The following MCM3 variants were observed in gnomAD, a reference collection of about 807,000 sequenced individuals.
MCM3 encodes minichromosome maintenance complex component 3, also known as DNA replication licensing factor MCM3.
In MCM3, 59 loss-of-function variants were observed where a neutral mutation model predicts 91.3. The observed-to-expected ratio is 0.65, with a 90% confidence interval of 0.52 to 0.80. The LOEUF (loss-of-function observed/expected upper bound fraction) is 0.80. MCM3 is among the 30% of genes least tolerant of loss of function. The pLI, the probability that MCM3 is intolerant of heterozygous loss-of-function variation, is 0.00. For synonymous variants in MCM3, 383 were observed against 379.6 expected (o/e 1.01, Z -0.10); for missense variants, 919 against 1,035.4 (o/e 0.89, Z 1.54).
rs918541897 is a variant in MCM3, at chr6:52,282,798, G to A, written c.255C>T (p.Ala85=). ...AFQRALKDFV[A]SIDATYAKQY... is the part of the protein sequence containing the mutation. ...GCTTGGCATAGGTAGCATCAATGGA[G>A]GCCACAAAATCCTTTAAGGCCCGCT... The change falls in exon 3 of 17, where the codon GCC becomes GCT. Residue 85 remains alanine (A), a synonymous_variant. Transcript: ENST00000596288. The A allele has an allele frequency of 9.3e-6, 15 of 1,613,982 alleles. No individual in the cohort carries two copies. Among genetic ancestry groups the A allele is most frequent in the African/African-American group, 1.3e-5 (1 of 74,888 alleles).
At chr6:52,283,187 G>T in intron 2 of MCM3, 107 bp downstream of exon 2, 1 of 889,864 alleles carries the variant, frequency 1.1e-6, no homozygotes, top group Non-Finnish European at 1.8e-6. Flanking sequence ...AGGGCTTGTA[G>T]ATCAATCCTG....
At chr6:52,268,132 T>A (rs1020294136) in intron 13 of MCM3, among the ~76,000 whole-genome samples, 164 bp from the exon 14 acceptor site, 10 of 152,186 alleles carry the variant, frequency 6.6e-5, no homozygotes, top group African/African-American at 2.4e-4. Context: ...GGGGCAGAAG[T>A]AGAGACTGCT....
chr6:52,266,233 A>G, intron 15 of MCM3, 89 bp from the exon 16 acceptor site: 1 of 966,566 alleles, frequency 1.0e-6, no homozygotes, highest in Middle Eastern at 2.1e-4. Context: ...TCCACTCCCA[A>G]TCTCTCACTC....
intron 8 of MCM3, 110 bp from the exon 9 acceptor site, chr6:52,276,586 G>T: frequency 5.4e-6 from 5 of 920,722 alleles, no homozygotes; most frequent in Non-Finnish European, 6.5e-6. Context: ...GTGAGAATGC[G>T]GCAATGGTGT....
chr6:52,266,728 A>G (rs1368613089), intron 14 of MCM3, 32 bp from the exon 15 acceptor site: 2 of 1,566,088 alleles, frequency 1.3e-6, no homozygotes, highest in African/African-American at 1.4e-5. Flanking sequence ...AGAGAGAGAA[A>G]GAGTTTGGAG....
At chr6:52,271,741 T>C (rs1765150241) in intron 12 of MCM3, among the ~76,000 whole-genome samples, 1 of 152,264 alleles carries the variant, frequency 6.6e-6, no homozygotes, top group East Asian at 1.9e-4. Context: ...ACCATCATGG[T>C]TGCCTGTTAG....
chr6:52,265,755 CA>C (rs1764594958), intron 16 of MCM3, among the ~76,000 whole-genome samples: 1 of 151,788 alleles, frequency 6.6e-6, no homozygotes, highest in Non-Finnish European at 1.5e-5. Flanking sequence ...TCTATCCCAC[CA>C]AGAAGAATCT....
In MCM3 at chr6:52,282,674, C is replaced by T. The variant is rs573520418; in HGVS notation, c.379G>A (p.Val127Met). ...TTACATTTAGTGACAATGCCCTCCA[C>T]ACAGACCACACAGCTGAGGAAGCAG... ...TSCFLSCVVC[V>M]EGIVTKCSLV... Residue 127 changes from valine (V) to methionine (M), a missense_variant, in exon 3 of 17, where the codon GTG (valine) becomes ATG (methionine). Physicochemically the swap from Val to Met is conservative, Grantham distance 21. Coordinates refer to ENST00000596288, the MANE Select transcript of MCM3 (RefSeq NM_002388.6). 6.2e-7 allele frequency: 1 copy of T among 1,613,464 alleles called. No homozygotes were observed. The highest frequency in any genetic ancestry group is 8.5e-7 in the Non-Finnish European group (1 of 1,180,022).
At chr6:52,267,100 T>TTTTTTTTTC (rs1764701233) in intron 14 of MCM3, among the ~76,000 whole-genome samples, 1 of 140,774 alleles carries the variant, frequency 7.1e-6, no homozygotes, top group South Asian at 2.4e-4. Flanking sequence ...TATCTTCTTT[T>TTTTTTTTTC]TTTTTTTTTT....
chr6:52,264,866 ATAG>A (rs1764519848), intron 16 of MCM3, 80 bp from the exon 17 acceptor site: 4 of 1,216,900 alleles, frequency 3.3e-6, no homozygotes, highest in Non-Finnish European at 3.6e-6. Context: ...AGGAAAATCC[ATAG>A]TATTAATACA....
chr6:52,284,670 G>A lies in MCM3; in HGVS notation c.5C>T (p.Ala2Val), dbSNP rs754556530. 1 of 1,606,690 alleles carries A rather than the reference G, an allele frequency of 6.2e-7. No individual in the cohort carries two copies. The highest frequency in any genetic ancestry group is 8.5e-7 in the Non-Finnish European group (1 of 1,177,214). The change falls in exon 1 of 17, where the codon GCG becomes GTG. Residue 2 changes from alanine (A) to valine (V), a missense_variant. This residue lies in a region of MCM3 where 401 missense variants were observed against 402.7 expected (regional missense o/e 1.00). Transcript: ENST00000596288. ...CACATCGTCCAGCACCACGGTACCC[G>A]CCATGCCCGCTGCCAAAGAACTACC... is the stretch of plus-strand genomic sequence containing the variant. M[A>V]GTVVLDDVEL...
chr6:52,279,301 A>G, intron 5 of MCM3, 60 bp downstream of exon 5: 1 of 1,401,770 alleles, frequency 7.1e-7, no homozygotes, highest in Non-Finnish European at 1.0e-6. Context: ...TGGAGAAAGG[A>G]TATTACCAGA....
intron 4 of MCM3, 145 bp from the exon 5 acceptor site, chr6:52,279,744 G>A (rs1454730903): frequency 1.6e-6 from 1 of 645,120 alleles, no homozygotes; most frequent in Non-Finnish European, 2.7e-6. Context: ...AGCTTTTTGT[G>A]TTCCTGTCTG....
At position 52,277,665 on chromosome 6, in the gene MCM3, C is replaced by T. The variant is rs1765703866; in HGVS notation, c.903G>A (p.Lys301=). The change falls in exon 7 of 17, where the codon AAG becomes AAA. Residue 301 remains lysine, a synonymous_variant. Coordinates refer to ENST00000596288, the MANE Select transcript of MCM3 (RefSeq NM_002388.6). Reference sequence around the variant, plus strand: ...GCCCATGGATACTTGGGGCCAATGACTTGGCCAGCTGGTCAAAGATATCCT... The same window carrying T: ...GCCCATGGATACTTGGGGCCAATGATTTGGCCAGCTGGTCAAAGATATCCT... ...RSKDIFDQLA[K]SLAPSIHGHD... is the part of the protein sequence containing the mutation. 4 of 1,613,978 alleles carry T rather than the reference C, an allele frequency of 2.5e-6. No homozygotes were observed. The highest frequency in any genetic ancestry group is 1.3e-5 in the African/African-American group (1 of 75,014).
intron 10 of MCM3, 33 bp from the exon 11 acceptor site, chr6:52,273,389 A>G (rs572854877): frequency 6.2e-7 from 1 of 1,612,332 alleles, no homozygotes; most frequent in Non-Finnish European, 8.5e-7. Context: ...AAGGAGAGTA[A>G]TAAAGAGTTT....
In MCM3 at chr6:52,266,154, G is replaced by T; in HGVS notation, c.2159-10C>A. ...GTCTTTGGAGTGTGTACTTCAGAGG[G>T]TTGATGGTTGTAGAGATGGGGAAGA... is the stretch of plus-strand genomic sequence containing the variant. On this transcript the variant is annotated splice_polypyrimidine_tract_variant and intron_variant, in intron 15 of 16. Transcript: ENST00000596288. 1 of 1,610,186 alleles carries T rather than the reference G, an allele frequency of 6.2e-7. No individual in the cohort carries two copies. Among genetic ancestry groups the T allele is most frequent in the Non-Finnish European group, 8.5e-7 (1 of 1,176,436 alleles).
chr6:52,273,679 T>G, intron 10 of MCM3, 63 bp downstream of exon 10: 100 of 1,519,760 alleles, frequency 6.6e-5, no homozygotes, highest in Non-Finnish European at 8.2e-5. Context: ...GGGTTGGGCC[T>G]GAGAAACTAC....
chr6:52,268,192 T>C (rs1764800272), intron 13 of MCM3, among the ~76,000 whole-genome samples: 1 of 152,230 alleles, frequency 6.6e-6, no homozygotes, highest in Non-Finnish European at 1.5e-5. Context: ...GTTTATATAG[T>C]AGGTACTCAA....
chr6:52,272,414 T>C lies in MCM3; in HGVS notation c.1714A>G (p.Ile572Val). 1 of 1,614,158 alleles carries C rather than the reference T, an allele frequency of 6.2e-7. No homozygotes were observed. Among genetic ancestry groups the C allele is most frequent in the South Asian group, 1.1e-5 (1 of 91,082 alleles). The part of the protein sequence containing the change: ...MVSAAFMKKY[I>V]HVAKIIKPVL... ...GGCTTGATGATTTTGGCCACATGGA[T>C]GTACTTCTTCATGAATGCTGCACTC... Residue 572 changes from isoleucine to valine, a missense_variant, in exon 12 of 17, where the codon ATC becomes GTC. By Grantham distance (29) the Ile-to-Val change is conservative. Transcript: ENST00000596288.
Sources: allele counts gnomAD v4.1 joint callset (sites outside exome capture counted in the v4.1 genomes callset), GRCh38; gene constraint gnomAD v4.1.1; regional missense constraint gnomAD v4.1.1; transcripts MANE v1.5; gene names NCBI Gene and HGNC (gene_info 2026-07-23, HGNC 2026-07-21).